The following RNF217 variants were observed in gnomAD, a reference collection of about 807,000 sequenced individuals.
RNF217 encodes ring finger protein 217.
RNF217 carries 31 observed loss-of-function variants against 57.8 expected under a neutral mutation model. The ratio of observed to expected loss-of-function variants is 0.54; its 90% confidence interval spans 0.40 to 0.72. RNF217 has a LOEUF of 0.72. Ranked by LOEUF, RNF217 falls within the 30% of genes least tolerant of loss-of-function variation. RNF217 has a pLI of 0.00. For missense variants in RNF217, 696 were observed against 708.3 expected (o/e 0.98, Z 0.20); for synonymous variants, 313 against 294.0 (o/e 1.06, Z -0.66).
At chr6:125,020,586 G>C (rs1191387482) in intron 1 of RNF217, among the ~76,000 whole-genome samples, 1 of 151,612 alleles carries the variant, frequency 6.6e-6, no homozygotes, top group Non-Finnish European at 1.5e-5. Context: ...AAATTGCCCT[G>C]CTTTCTGATG....
intron 2 of RNF217, among the ~76,000 whole-genome samples, chr6:125,049,815 C>A (rs904097216): frequency 2.2e-4 from 33 of 151,608 alleles, no homozygotes; most frequent in African/African-American, 8.0e-4. Context: ...GGACAATGGG[C>A]AGAAAGGAGG....
chr6:124,982,888 T>A (rs1784229004), intron 1 of RNF217, among the ~76,000 whole-genome samples: 1 of 152,216 alleles, frequency 6.6e-6, no homozygotes, highest in Non-Finnish European at 1.5e-5. Context: ...TATTCACCTG[T>A]GTTACCTTTG....
intron 1 of RNF217, among the ~76,000 whole-genome samples, chr6:125,038,347 A>G (rs2114503558): frequency 6.6e-6 from 1 of 152,328 alleles, no homozygotes; most frequent in Middle Eastern, 3.4e-3. Context: ...ATACTAAAAA[A>G]TTGACATTTT....
intron 1 of RNF217, among the ~76,000 whole-genome samples, chr6:124,998,470 A>C (rs1784832984): frequency 6.6e-6 from 1 of 152,166 alleles, no homozygotes. Context: ...CCATTTTTCT[A>C]TATACATTTT....
chr6:125,004,911 A>G (rs2114310180), intron 1 of RNF217, among the ~76,000 whole-genome samples: 1 of 152,292 alleles, frequency 6.6e-6, no homozygotes, highest in South Asian at 2.1e-4. Flanking sequence ...CAGACTGGGT[A>G]ATTTATAAAG....
chr6:124,965,394 TG>T (rs1783498628), intron 1 of RNF217, among the ~76,000 whole-genome samples: 1 of 151,902 alleles, frequency 6.6e-6, no homozygotes, highest in African/African-American at 2.4e-5. Flanking sequence ...ACCAACATGG[TG>T]AAACCCCGTC....
chr6:125,030,140 A>G (rs1472032769), intron 1 of RNF217, among the ~76,000 whole-genome samples: 1 of 152,116 alleles, frequency 6.6e-6, no homozygotes, highest in Non-Finnish European at 1.5e-5. Flanking sequence ...TCACTATCAC[A>G]AGAATAGCAT....
intron 1 of RNF217, among the ~76,000 whole-genome samples, chr6:125,013,551 A>G (rs191098024): frequency 0.031 from 2,381 of 76,690 alleles, 64 homozygotes; most frequent in African/African-American, 0.07. Context: ...TATGTCTGGG[A>G]AAAAAAAAAA....
intron 2 of RNF217, among the ~76,000 whole-genome samples, chr6:125,049,571 C>T (rs574297694): frequency 1.1e-4 from 17 of 151,790 alleles, no homozygotes; most frequent in African/African-American, 3.2e-4. Context: ...CCTTGAGTAT[C>T]GTTTCCACGT....
At chr6:125,010,783 G>A (rs1240945108) in intron 1 of RNF217, among the ~76,000 whole-genome samples, 1 of 152,110 alleles carries the variant, frequency 6.6e-6, no homozygotes, top group African/African-American at 2.4e-5. Flanking sequence ...TGTGCATTTA[G>A]TAGTCTCCCT....
intron 2 of RNF217, among the ~76,000 whole-genome samples, chr6:125,046,273 G>A (rs1229797939): frequency 6.6e-6 from 1 of 152,080 alleles, no homozygotes; most frequent in Non-Finnish European, 1.5e-5. Context: ...GTCTTGTGCA[G>A]TTTGCGCAGA....
intron 2 of RNF217, chr6:125,046,518 G>A (rs1582748916): frequency 2.2e-6 from 1 of 449,462 alleles, no homozygotes; most frequent in South Asian, 1.6e-5. Flanking sequence ...GCCTCACCAG[G>A]TGACTAATCC....
At chr6:125,016,444 C>T (rs1056342139) in intron 1 of RNF217, among the ~76,000 whole-genome samples, 14 of 152,054 alleles carry the variant, frequency 9.2e-5, no homozygotes, top group Non-Finnish European at 8.8e-5. Flanking sequence ...TGTAATGGGT[C>T]ATTATTGACC....
Position 125,041,229 on chromosome 6 carries a change from C to T in RNF217, c.883-3982C>T, listed in dbSNP as rs139888853. ...CAATTTAAAAAAATCTCATTGATTC[C>T]ACTTCCAAAATACACCCTGTATCTT... On this transcript the variant is annotated intron_variant, in intron 1 of 5. Transcript: ENST00000521654. Among the ~76,000 whole-genome samples the T allele has an allele frequency of 4.6e-4, 70 of 151,992 alleles. No individual in the cohort carries two copies. The East Asian group carries it at 0.01, about 23-fold the overall frequency.
intron 1 of RNF217, among the ~76,000 whole-genome samples, chr6:124,984,146 T>C (rs1264256315): frequency 6.6e-6 from 1 of 152,236 alleles, no homozygotes; most frequent in Non-Finnish European, 1.5e-5. Context: ...TAAATCATTT[T>C]GTATTTTTAT....
chr6:125,048,376 A>G (rs1787176124), intron 2 of RNF217: 1 of 767,852 alleles, frequency 1.3e-6, no homozygotes, highest in Middle Eastern at 3.0e-4. Context: ...AAGTACTCAC[A>G]CACAATACAT....
At chr6:124,990,735 T>C (rs1387434420) in intron 1 of RNF217, among the ~76,000 whole-genome samples, 1 of 152,132 alleles carries the variant, frequency 6.6e-6, no homozygotes, top group Non-Finnish European at 1.5e-5. Flanking sequence ...ATCTTAACTA[T>C]TCTCCCTGCC....
chr6:125,041,437 A>T (rs580862), intron 1 of RNF217, among the ~76,000 whole-genome samples: 1 of 152,074 alleles, frequency 6.6e-6, no homozygotes, highest in African/African-American at 2.4e-5. Flanking sequence ...GTCTTTATAT[A>T]ATACAGACTT....
intron 1 of RNF217, among the ~76,000 whole-genome samples, chr6:125,035,199 T>A (rs1214242058): frequency 6.6e-6 from 1 of 152,116 alleles, no homozygotes; most frequent in Non-Finnish European, 1.5e-5. Context: ...TTCCTTCTCC[T>A]GCCTAATTGC....
Sources: allele counts gnomAD v4.1 joint callset (sites outside exome capture counted in the v4.1 genomes callset), GRCh38; gene constraint gnomAD v4.1.1; transcripts MANE v1.5; gene names NCBI Gene and HGNC (gene_info 2026-07-23, HGNC 2026-07-21).